Variants in ADGRL4 observed in about 807,000 individuals in gnomAD.
The protein encoded by ADGRL4 is adhesion G protein-coupled receptor L4, also known as EGF, latrophilin and seven transmembrane domain containing 1.
ADGRL4 carries 90 observed loss-of-function variants against 74.8 expected under a neutral mutation model. The observed-to-expected ratio is 1.20, with a 90% confidence interval of 1.02 to 1.43. The LOEUF (loss-of-function observed/expected upper bound fraction) is 1.43, where lower values mean the gene tolerates loss of function less well. Among genes scored for constraint, ADGRL4 ranks in the 40% most tolerant of loss-of-function variants. The probability of loss-of-function intolerance (pLI) is 0.00; values close to 1 mark genes in which losing one functional copy is unlikely to be tolerated. For synonymous variants in ADGRL4, 311 were observed against 279.2 expected (o/e 1.11, Z -1.14); for missense variants, 881 against 814.3 (o/e 1.08, Z -1.00).
chr1:78,978,998 T>A (rs1453344547), intron 2 of ADGRL4, among the ~76,000 whole-genome samples: 2 of 151,994 alleles, frequency 1.3e-5, no homozygotes, highest in Non-Finnish European at 2.9e-5. Context: ...GAATGAATTA[T>A]GAGTTACATT....
chr1:78,986,331 G>A (rs1015676816), intron 2 of ADGRL4, among the ~76,000 whole-genome samples: 9 of 151,762 alleles, frequency 5.9e-5, no homozygotes, highest in Non-Finnish European at 1.2e-4. Context: ...CAACCAAGTT[G>A]TTGATGTTTT....
At chr1:78,994,774 A>G (rs1328561716) in intron 2 of ADGRL4, among the ~76,000 whole-genome samples, 2 of 152,306 alleles carry the variant, frequency 1.3e-5, no homozygotes, top group East Asian at 3.9e-4. Flanking sequence ...TCCTCTGAGC[A>G]CACATATATT....
chr1:78,965,485 A>T (rs1372700849), intron 2 of ADGRL4, among the ~76,000 whole-genome samples: 3 of 152,120 alleles, frequency 2.0e-5, no homozygotes, highest in South Asian at 2.1e-4. Context: ...AAAAGAAAAA[A>T]TTTTTCCTAT....
At chr1:78,916,109 T>A (rs539838503) in intron 12 of ADGRL4, among the ~76,000 whole-genome samples, 1 of 151,980 alleles carries the variant, frequency 6.6e-6, no homozygotes, top group East Asian at 1.9e-4. Flanking sequence ...GACTCATTTT[T>A]AAATAATTTC....
intron 12 of ADGRL4, among the ~76,000 whole-genome samples, chr1:78,910,365 T>C (rs916855302): frequency 6.6e-6 from 1 of 151,722 alleles, no homozygotes; most frequent in African/African-American, 2.4e-5. Flanking sequence ...CAACAAAAAG[T>C]GAGTGGAGTT....
At chr1:78,959,637 T>C (rs1649905010) in intron 2 of ADGRL4, among the ~76,000 whole-genome samples, 1 of 152,242 alleles carries the variant, frequency 6.6e-6, no homozygotes. Context: ...TCTTTTTTAA[T>C]AGCAAGCACC....
chr1:79,003,129 T>C (rs1047401627), intron 2 of ADGRL4, among the ~76,000 whole-genome samples: 1 of 151,994 alleles, frequency 6.6e-6, no homozygotes. Flanking sequence ...TAGAGAAAGA[T>C]AGGAAAGGTG....
intron 2 of ADGRL4, among the ~76,000 whole-genome samples, chr1:78,993,571 C>T (rs28641149): frequency 3.5e-5 from 4 of 114,642 alleles, no homozygotes; most frequent in Admixed American, 8.7e-5. Flanking sequence ...GCAAAAATTC[C>T]ATTTTTTTTT....
At chr1:78,893,247 T>C (rs1263433021) in intron 12 of ADGRL4, 58 bp from the exon 13 acceptor site, 1 of 989,376 alleles carries the variant, frequency 1.0e-6, no homozygotes, top group Non-Finnish European at 1.5e-6. Flanking sequence ...TGGATACATA[T>C]AAAGAAAATA....
intron 3 of ADGRL4, among the ~76,000 whole-genome samples, chr1:78,944,890 A>G (rs929556870): frequency 6.6e-6 from 1 of 152,114 alleles, no homozygotes; most frequent in Non-Finnish European, 1.5e-5. Flanking sequence ...AAATTTTTGA[A>G]CATTGTGTCA....
At chr1:78,991,190 AG>A (rs1258360362) in intron 2 of ADGRL4, among the ~76,000 whole-genome samples, 1 of 152,086 alleles carries the variant, frequency 6.6e-6, no homozygotes, top group African/African-American at 2.4e-5. Context: ...GAGGGCCAAA[AG>A]CACGAAGTGC....
chr1:78,938,558 C>T (rs1649408426), intron 4 of ADGRL4, among the ~76,000 whole-genome samples: 1 of 151,984 alleles, frequency 6.6e-6, no homozygotes, highest in Non-Finnish European at 1.5e-5. Flanking sequence ...AAATAACTTC[C>T]TATTCTTCAG....
chr1:78,935,506 C>G (rs189773316), intron 7 of ADGRL4, among the ~76,000 whole-genome samples: 26 of 148,408 alleles, frequency 1.8e-4, no homozygotes, highest in African/African-American at 6.2e-4. Context: ...ATGCTGTGCA[C>G]GTTTCCCAGA....
In ADGRL4 at chr1:78,966,502, T is replaced by A. The variant is rs79586675; in HGVS notation, c.173-20076A>T. Among the ~76,000 whole-genome samples, 963 of 152,306 alleles carry A rather than the reference T, an allele frequency of 6.3e-3. 9 individuals carry two copies. Among genetic ancestry groups the A allele is most frequent in the African/African-American group, 0.018 (745 of 41,574 alleles). On this transcript the variant is annotated intron_variant, in intron 2 of 14. Transcript: ENST00000370742. ...ATGGGGACTCAAATCCTCTCACTGTTGCTTCTGAGCCTTTTCATCCTTGGT... is the reference window on the plus strand; with the variant it reads ...ATGGGGACTCAAATCCTCTCACTGTAGCTTCTGAGCCTTTTCATCCTTGGT...
At chr1:78,999,088 G>C (rs77463781) in intron 2 of ADGRL4, among the ~76,000 whole-genome samples, 2,727 of 152,214 alleles carry the variant, frequency 0.018, 43 homozygotes, top group South Asian at 0.028. Context: ...ACACAGATAA[G>C]TACAAGACTG....
At chr1:78,974,061 G>A (rs114822435) in intron 2 of ADGRL4, among the ~76,000 whole-genome samples, 2,178 of 152,126 alleles carry the variant, frequency 0.014, 51 homozygotes, top group African/African-American at 0.05. Flanking sequence ...AGCACCCCAC[G>A]CAAGCCTGTA....
chr1:78,992,137 T>C (rs1650618602), intron 2 of ADGRL4, among the ~76,000 whole-genome samples: 1 of 152,076 alleles, frequency 6.6e-6, no homozygotes, highest in Admixed American at 6.6e-5. Flanking sequence ...GGTTAGATTC[T>C]AATCTTCCTA....
rs555167273 is a variant in ADGRL4, at chr1:78,967,954, A to G, written c.173-21528T>C. Among the ~76,000 whole-genome samples the G allele has an allele frequency of 2.0e-5, 3 of 151,846 alleles. No individual in the cohort carries two copies. In the East Asian group the frequency reaches 5.8e-4, roughly 29 times the overall value. ...TTCGGCTCCAAAATTGTCTTTCTTGACACCTGGCTTTTCTGAGGCTCCAGA... is the reference window on the plus strand; with the variant it reads ...TTCGGCTCCAAAATTGTCTTTCTTGGCACCTGGCTTTTCTGAGGCTCCAGA... On this transcript the variant is annotated intron_variant, in intron 2 of 14. Transcript: ENST00000370742.
intron 8 of ADGRL4, among the ~76,000 whole-genome samples, chr1:78,924,020 C>T (rs1278370223): frequency 6.6e-6 from 1 of 151,830 alleles, no homozygotes; most frequent in African/African-American, 2.4e-5. Context: ...CACCAAAGTA[C>T]ATCTTAAAGA....
Sources: gnomAD v4.1 joint callset for allele counts (sites outside exome capture counted in the v4.1 genomes callset) on GRCh38, gnomAD v4.1.1 for gene constraint, MANE v1.5 for transcripts, NCBI Gene and HGNC (gene_info 2026-07-23, HGNC 2026-07-21) for gene names.